Variants in FGF14 observed in about 807,000 individuals in gnomAD.
The protein encoded by FGF14 is fibroblast growth factor homologous factor 4.
FGF14 carries 5 observed loss-of-function variants against 25.5 expected under a neutral mutation model. The observed-to-expected ratio is 0.20, with a 90% CI of 0.10 to 0.41. The LOEUF is 0.41. FGF14 is among the 10% of genes least tolerant of loss of function. The pLI is 1.00. For missense variants in FGF14, 222 were observed against 320.1 expected, an observed-to-expected ratio of 0.69 and a Z score of 2.34; for synonymous variants, 138 against 118.3, an observed-to-expected ratio of 1.17 and a Z score of -1.08.
rs114966950 is a variant in FGF14, at chr13:101,916,307, C to G, written c.193+146G>C. The G allele has an allele frequency of 2.8e-3, 2,743 of 994,766 alleles. 56 individuals carry two copies. The African/African-American group carries it at 0.04, about 14-fold the overall frequency. 61.6% of individuals were successfully genotyped at this position (994,766 alleles called of 1,614,324 possible). On this transcript the variant is annotated intron_variant, in intron 1 of 4. Coordinates refer to ENST00000376143, the MANE Select transcript of FGF14 (RefSeq NM_004115.4). Reference sequence around the variant, plus strand: ...TGCCCGACAGCGGACTCCAGGGTCCCCGCGACGGCACCCAGAGTGCTCAGA... The same window carrying G: ...TGCCCGACAGCGGACTCCAGGGTCCGCGCGACGGCACCCAGAGTGCTCAGA...
chr13:101,907,503 C>T (rs2032393600), intron 1 of FGF14, among the ~76,000 whole-genome samples: 1 of 152,016 alleles, frequency 6.6e-6, no homozygotes, highest in Non-Finnish European at 1.5e-5. Flanking sequence ...AGGATAAGAA[C>T]TGAAAACAGA....
chr13:102,377,191 G>T (rs560158385), intron 1 of FGF14, among the ~76,000 whole-genome samples: 1 of 152,098 alleles, frequency 6.6e-6, no homozygotes, highest in Non-Finnish European at 1.5e-5. Flanking sequence ...AAATTGACAG[G>T]ACAGGCTATT....
chr13:102,101,190 C>T (rs989543247), intron 1 of FGF14, among the ~76,000 whole-genome samples: 1 of 152,058 alleles, frequency 6.6e-6, no homozygotes, highest in Non-Finnish European at 1.5e-5. Context: ...ATATCCTGTG[C>T]TTTTTCATGA....
intron 3 of FGF14, among the ~76,000 whole-genome samples, chr13:101,806,965 C>T (rs1401957036): frequency 1.3e-5 from 2 of 151,992 alleles, no homozygotes; most frequent in Non-Finnish European, 2.9e-5. Flanking sequence ...GGAATAAAAT[C>T]TCCTTATAAC....
chr13:102,090,180 C>T (rs1360561632), intron 1 of FGF14, among the ~76,000 whole-genome samples: 1 of 152,160 alleles, frequency 6.6e-6, no homozygotes, highest in Middle Eastern at 3.2e-3. Flanking sequence ...TGAATATATA[C>T]AACGTATATT....
intron 1 of FGF14, among the ~76,000 whole-genome samples, chr13:102,170,598 A>T (rs2048208026): frequency 6.6e-6 from 1 of 152,156 alleles, no homozygotes; most frequent in South Asian, 2.1e-4. Flanking sequence ...CCAAGGACAC[A>T]AGGCAGCTTT....
intron 1 of FGF14, among the ~76,000 whole-genome samples, chr13:102,237,413 C>T (rs2051377686): frequency 6.6e-6 from 1 of 152,184 alleles, no homozygotes; most frequent in Non-Finnish European, 1.5e-5. Context: ...GAATAAATCC[C>T]TGGGAATAGA....
At chr13:102,375,678 A>G (rs1402844789) in intron 1 of FGF14, among the ~76,000 whole-genome samples, 1 of 152,174 alleles carries the variant, frequency 6.6e-6, no homozygotes, top group African/African-American at 2.4e-5. Context: ...GTAAGGAAAA[A>G]TATTCATGAG....
At chr13:102,202,566 T>C (rs560857061) in intron 1 of FGF14, among the ~76,000 whole-genome samples, 123 of 152,328 alleles carry the variant, frequency 8.1e-4, no homozygotes, top group African/African-American at 2.7e-3. Flanking sequence ...TCCTGCTGCA[T>C]TGGGGGAAAA....
At position 102,379,487 on chromosome 13, in the gene FGF14, T is replaced by C. The variant is rs191284113; in HGVS notation, c.208+21984A>G. ...ATACCTTTATATATGGGTGTGTGTA[T>C]ATATATTTTTAAACTTTCAGTTTAA... On this transcript the variant is annotated intron_variant, in intron 1 of 4. Transcript: ENST00000376131. Among the ~76,000 whole-genome samples, 17 of 151,592 alleles carry C rather than the reference T, an allele frequency of 1.1e-4. No homozygotes were observed. The East Asian group carries it at 2.5e-3, about 22-fold the overall frequency.
In FGF14 at chr13:102,346,779, A is replaced by T. The variant is rs72647493; in HGVS notation, c.208+54692T>A. ...TTTTCATCTGAATTTTCTAGTTTTT[A>T]TAGTGATCATGTATTGCTTGTATAG... On this transcript the variant is annotated intron_variant, in intron 1 of 4. Coordinates refer to the FGF14 transcript ENST00000376131. 1.5e-3 allele frequency among the ~76,000 whole-genome samples: 232 copies of T among 152,310 alleles called. 1 individual carries two copies. Among genetic ancestry groups the T allele is most frequent in the Non-Finnish European group, 2.4e-3 (162 of 68,030 alleles).
At chr13:102,345,758 G>T (rs765148677) in intron 1 of FGF14, among the ~76,000 whole-genome samples, 1 of 152,218 alleles carries the variant, frequency 6.6e-6, no homozygotes, top group African/African-American at 2.4e-5. Context: ...TCTTGGAGAG[G>T]TAAAATGTAA....
At chr13:102,068,869 G>A (rs959040178) in intron 1 of FGF14, among the ~76,000 whole-genome samples, 10 of 152,328 alleles carry the variant, frequency 6.6e-5, no homozygotes, top group African/African-American at 1.4e-4. Context: ...AGCACAGGGC[G>A]TGGGCTGGCA....
intron 1 of FGF14, among the ~76,000 whole-genome samples, chr13:102,154,753 T>C (rs1353328144): frequency 1.3e-5 from 2 of 152,134 alleles, no homozygotes; most frequent in African/African-American, 4.8e-5. Flanking sequence ...CCCATCAGTG[T>C]ACTGTATTCA....
chr13:102,145,223 C>A (rs1002479792), intron 1 of FGF14, among the ~76,000 whole-genome samples: 1 of 152,168 alleles, frequency 6.6e-6, no homozygotes, highest in Non-Finnish European at 1.5e-5. Context: ...TTATGACAAT[C>A]ATGGCAATTG....
chr13:102,046,204 T>C (rs1043930120), intron 1 of FGF14, among the ~76,000 whole-genome samples: 4 of 152,162 alleles, frequency 2.6e-5, no homozygotes, highest in Non-Finnish European at 4.4e-5. Context: ...ACGGGGCTGA[T>C]TTCTGGAAAG....
intron 1 of FGF14, chr13:102,393,857 A>G (rs1366904676): frequency 6.6e-6 from 1 of 152,182 alleles, no homozygotes; most frequent in Non-Finnish European, 1.5e-5. Context: ...GTTGTTTGTG[A>G]TCGCTAAGGT....
At chr13:101,745,093 T>C (rs1000068838) in intron 3 of FGF14, among the ~76,000 whole-genome samples, 20 of 152,122 alleles carry the variant, frequency 1.3e-4, no homozygotes, top group African/African-American at 4.6e-4. Flanking sequence ...AGAACTTAAA[T>C]AATAAGAATG....
At chr13:102,015,984 G>C (rs543840471) in intron 1 of FGF14, among the ~76,000 whole-genome samples, 4 of 152,188 alleles carry the variant, frequency 2.6e-5, no homozygotes, top group Admixed American at 2.0e-4. Context: ...TGAGAGATTA[G>C]AGCACTATTA....
Sources: allele counts gnomAD v4.1 joint callset (sites outside exome capture counted in the v4.1 genomes callset), GRCh38; gene constraint gnomAD v4.1.1; transcripts MANE v1.5; gene names NCBI Gene and HGNC (gene_info 2026-07-23, HGNC 2026-07-21).